Variants in EML5 observed in about 807,000 individuals in gnomAD.
EML5 encodes the protein echinoderm microtubule-associated protein-like 5.
A neutral mutation model predicts 250.0 loss-of-function variants in EML5; 120 were observed. The observed-to-expected ratio is 0.48, with a 90% CI of 0.41 to 0.56. The LOEUF (loss-of-function observed/expected upper bound fraction) is 0.56. EML5 is among the 20% of genes least tolerant of loss of function. The probability of loss-of-function intolerance (pLI) is 0.00; values close to 1 mark genes in which losing one functional copy is unlikely to be tolerated. For synonymous variants in EML5, 771 were observed against 806.5 expected, an observed-to-expected ratio of 0.96 and a Z score of 0.75; for missense variants, 2,006 against 2,437.6, an observed-to-expected ratio of 0.82 and a Z score of 3.73.
chr14:88,760,222 G>T (rs2094218963), intron 1 of EML5, among the ~76,000 whole-genome samples: 1 of 151,910 alleles, frequency 6.6e-6, no homozygotes, highest in Non-Finnish European at 1.5e-5. Flanking sequence ...CCATGCTTTT[G>T]CTTAACCAAA....
intron 21 of EML5, among the ~76,000 whole-genome samples, chr14:88,680,738 C>T (rs567595850): frequency 2.6e-5 from 4 of 151,968 alleles, no homozygotes; most frequent in East Asian, 1.9e-4. Flanking sequence ...AGAGTAAACA[C>T]GGGTTATATT....
At chr14:88,745,191 G>GTGTGTGTGTGTT (rs2093987726) in intron 3 of EML5, among the ~76,000 whole-genome samples, 1 of 151,816 alleles carries the variant, frequency 6.6e-6, no homozygotes, top group African/African-American at 2.4e-5. Flanking sequence ...GTGTGTGTGT[G>GTGTGTGTGTGTT]TGTGTGTAAT....
chr14:88,707,153 A>C (rs1008579949), intron 10 of EML5, among the ~76,000 whole-genome samples: 10 of 152,166 alleles, frequency 6.6e-5, no homozygotes, highest in African/African-American at 2.2e-4. Context: ...CTATCATTAG[A>C]GATGTTAAGC....
chr14:88,713,840 GTTT>G (rs33988759), intron 9 of EML5, among the ~76,000 whole-genome samples: 11 of 130,088 alleles, frequency 8.5e-5, no homozygotes, highest in Non-Finnish European at 9.9e-5. Flanking sequence ...AAGTTTATTT[GTTT>G]TTTTTTTTTT....
Position 88,777,995 on chromosome 14 carries a change from A to T in EML5, c.197+14312T>A, listed in dbSNP as rs563479744. 1.3e-4 allele frequency among the ~76,000 whole-genome samples: 20 copies of T among 152,362 alleles called. No homozygotes were observed. In the South Asian group the frequency reaches 4.1e-3, roughly 32 times the overall value. Reference sequence around the variant, plus strand: ...GTCTCAAAAAATACAGCAAATTTTTAAAAATGAGGGGACCAAGTTAGGGCA... The same window carrying T: ...GTCTCAAAAAATACAGCAAATTTTTTAAAATGAGGGGACCAAGTTAGGGCA... On this transcript the variant is annotated intron_variant, in intron 1 of 43. Coordinates refer to ENST00000554922, the MANE Select transcript of EML5 (RefSeq NM_183387.3).
At chr14:88,780,381 TTTG>T (rs150097637) in intron 1 of EML5, among the ~76,000 whole-genome samples, 59,870 of 151,692 alleles carry the variant, frequency 0.39, 14,073 homozygotes, top group African/African-American at 0.64. Flanking sequence ...AAAGGGTAGA[TTTG>T]TTTACTGTTC....
chr14:88,750,211 T>C (rs1404664484), intron 2 of EML5, among the ~76,000 whole-genome samples: 1 of 152,152 alleles, frequency 6.6e-6, no homozygotes, highest in African/African-American at 2.4e-5. Flanking sequence ...CATCTCTTAC[T>C]AGCAGGGTGA....
chr14:88,627,554 A>G (rs1181137633), intron 34 of EML5, 92 bp downstream of exon 34: 1 of 1,324,896 alleles, frequency 7.5e-7, no homozygotes, highest in East Asian at 2.4e-5. Context: ...GATTGTTTCA[A>G]CCACCAACTT....
At chr14:88,734,705 T>C (rs1158357857) in intron 7 of EML5, among the ~76,000 whole-genome samples, 1 of 152,048 alleles carries the variant, frequency 6.6e-6, no homozygotes, top group African/African-American at 2.4e-5. Flanking sequence ...ATCCTGAAAA[T>C]TCATAACTGT....
intron 1 of EML5, among the ~76,000 whole-genome samples, chr14:88,769,923 T>G (rs1407384774): frequency 1.3e-5 from 2 of 151,978 alleles, no homozygotes; most frequent in African/African-American, 4.8e-5. Context: ...TTGGTAGCCC[T>G]GTGGAGGACA....
intron 1 of EML5, among the ~76,000 whole-genome samples, chr14:88,755,271 T>C (rs989038817): frequency 2.0e-5 from 3 of 152,206 alleles, no homozygotes; most frequent in Non-Finnish European, 4.4e-5. Context: ...AAGAGAGCAA[T>C]TGGATCACAG....
intron 31 of EML5, among the ~76,000 whole-genome samples, chr14:88,641,608 G>A (rs1017101071): frequency 4.6e-5 from 7 of 152,142 alleles, no homozygotes; most frequent in East Asian, 3.9e-4. Flanking sequence ...AAATGCTTTC[G>A]ATAAAATCCA....
intron 19 of EML5, among the ~76,000 whole-genome samples, chr14:88,685,704 C>T (rs1011708744): frequency 3.9e-5 from 6 of 152,060 alleles, no homozygotes; most frequent in Admixed American, 3.3e-4. Context: ...CCCACCTGGG[C>T]CTCCCAAAGT....
intron 9 of EML5, among the ~76,000 whole-genome samples, chr14:88,713,863 GC>G (rs2093447188): frequency 7.1e-6 from 1 of 140,074 alleles, no homozygotes; most frequent in Non-Finnish European, 1.5e-5. Context: ...TTTTGAGACA[GC>G]CTCTTAATCT....
chr14:88,618,430 A>G (rs1183683534), intron 40 of EML5, 99 bp from the exon 41 acceptor site: 1 of 1,155,464 alleles, frequency 8.7e-7, no homozygotes, highest in Non-Finnish European at 1.3e-6. Context: ...CTTGATTTAC[A>G]TGTCTAACAT....
intron 30 of EML5, among the ~76,000 whole-genome samples, 193 bp from the exon 31 acceptor site, chr14:88,643,215 A>G (rs1016500882): frequency 5.3e-5 from 8 of 152,140 alleles, no homozygotes; most frequent in African/African-American, 1.9e-4. Flanking sequence ...GCTTAAACAT[A>G]CATTCTATAC....
At chr14:88,694,900 G>A (rs779540967) in intron 16 of EML5, among the ~76,000 whole-genome samples, 1 of 151,976 alleles carries the variant, frequency 6.6e-6, no homozygotes, top group Non-Finnish European at 1.5e-5. Flanking sequence ...CTCCTTTAAA[G>A]CATTGTTAAT....
At chr14:88,636,786 G>T (rs2090763856) in intron 32 of EML5, among the ~76,000 whole-genome samples, 1 of 152,098 alleles carries the variant, frequency 6.6e-6, no homozygotes, top group Non-Finnish European at 1.5e-5. Context: ...CAAGAATGAG[G>T]GCCAAAGAGT....
rs774309978 is a variant in EML5 at position 88,712,225 on chromosome 14, T to G, written c.1657+46A>C. The G allele has an allele frequency of 4.4e-6, 6 of 1,352,852 alleles. No homozygotes were observed. The South Asian group carries it at 7.4e-5, about 17-fold the overall frequency. 83.8% of individuals were successfully genotyped at this position (1,352,852 alleles called of 1,614,324 possible). A position where few individuals can be genotyped will look rare whatever the true frequency, so the allele number is the denominator to read the frequency against. On this transcript the variant is annotated intron_variant, in intron 10 of 43. Transcript: ENST00000554922. ...CTAATTTTCTGCAAGAACACGAAAG[T>G]CTTCTGTGAGAGAGAGGTTACTTAA...
Sources: gnomAD v4.1 joint callset for allele counts (sites outside exome capture counted in the v4.1 genomes callset) on GRCh38, gnomAD v4.1.1 for gene constraint, MANE v1.5 for transcripts, NCBI Gene and HGNC (gene_info 2026-07-23, HGNC 2026-07-21) for gene names.